ERBIN: variants seen among roughly 807,000 people sequenced by gnomAD.
ERBIN encodes erbb2 interacting protein, also known as densin-180-like protein.
Under a neutral mutation model 158.4 loss-of-function variants are expected in ERBIN, and 60 were observed. That is an observed-to-expected ratio of 0.38 (90% confidence interval 0.31 to 0.47). The LOEUF (loss-of-function observed/expected upper bound fraction) is 0.47. Among genes scored for constraint, ERBIN ranks in the 20% least tolerant of loss-of-function variants. The probability of loss-of-function intolerance (pLI) is 0.99; values close to 1 mark genes in which losing one functional copy is unlikely to be tolerated. For synonymous variants in ERBIN, 594 were observed against 557.2 expected, an observed-to-expected ratio of 1.07 and a Z score of -0.93; for missense variants, 1,610 against 1,648.0, an observed-to-expected ratio of 0.98 and a Z score of 0.40.
rs1751580432 is a variant in ERBIN at position 65,989,044 on chromosome 5, TCTTCGTTGTGATTAGAAGATTC to T, written c.-10+363_-10+384del. On this transcript the variant is annotated intron_variant, in intron 2 of 25. Transcript: ENST00000284037. ...CTCATTTTCTGGGTCGACACTTTCT[TCTTCGTTGTGATTAGAAGATTC>T]TTATGTCTACAGTGTTACTTCTGAT... is the stretch of plus-strand genomic sequence containing the variant. 4.1e-4 allele frequency among the ~76,000 whole-genome samples: 6 copies of T among 14,654 alleles called. No homozygotes were observed. The South Asian group carries it at 0.037, about 92-fold the overall frequency. 9.6% of individuals were successfully genotyped at this position (14,654 alleles called of 152,430 possible).
intron 4 of ERBIN, among the ~76,000 whole-genome samples, chr5:66,008,742 C>G (rs897500455): frequency 6.6e-6 from 1 of 152,106 alleles, no homozygotes. Context: ...AGATATTTAG[C>G]TAAATTTTAA....
intron 1 of ERBIN, among the ~76,000 whole-genome samples, chr5:65,940,503 T>C (rs1194798276): frequency 1.2e-5 from 1 of 80,302 alleles, no homozygotes; most frequent in Admixed American, 1.7e-4. Context: ...AGCCGCCCCG[T>C]CTGGGAGGGA....
chr5:66,018,580 T>TTG lies in ERBIN; in HGVS notation c.534-2742_534-2741insTG, dbSNP rs1755283893. ...ATATAATATATATTATATTATATAA[T>TTG]ATATATTATATAATATATATTATAT... On this transcript the variant is annotated intron_variant, in intron 7 of 25. Coordinates refer to ENST00000284037, the MANE Select transcript of ERBIN (RefSeq NM_001253697.2). Among the ~76,000 whole-genome samples the TTG allele has an allele frequency of 3.7e-5, 2 of 54,074 alleles. 1 individual carries two copies. Among genetic ancestry groups the TTG allele is most frequent in the Non-Finnish European group, 5.9e-5 (2 of 33,974 alleles). 35.5% of individuals were successfully genotyped at this position (54,074 alleles called of 152,430 possible).
At chr5:66,006,911 G>A (rs1753664941) in intron 4 of ERBIN, among the ~76,000 whole-genome samples, 1 of 150,630 alleles carries the variant, frequency 6.6e-6, no homozygotes, top group South Asian at 2.1e-4. Flanking sequence ...AGAGGATGTG[G>A]AGAAATAGGA....
chr5:66,011,726 T>TA (rs35000499), intron 4 of ERBIN, among the ~76,000 whole-genome samples: 6 of 151,758 alleles, frequency 4.0e-5, no homozygotes, highest in African/African-American at 1.2e-4. Context: ...CCTTTTTTTT[T>TA]AAAGTGAGAG....
intron 21 of ERBIN, among the ~76,000 whole-genome samples, chr5:66,065,648 TG>T (rs1760913076): frequency 2.9e-5 from 4 of 139,694 alleles, no homozygotes; most frequent in East Asian, 2.1e-4. Context: ...TGTGTGTGTG[TG>T]TGTGTGTGTG....
chr5:65,942,437 G>A (rs1745168243), intron 1 of ERBIN, among the ~76,000 whole-genome samples: 1 of 152,214 alleles, frequency 6.6e-6, no homozygotes, highest in African/African-American at 2.4e-5. Flanking sequence ...GAAATTCTGA[G>A]TTGATAGACC....
chr5:66,019,377 G>C (rs1755449155), intron 7 of ERBIN, among the ~76,000 whole-genome samples: 1 of 152,144 alleles, frequency 6.6e-6, no homozygotes, highest in Admixed American at 6.5e-5. Context: ...AAGAATACTG[G>C]AGGGCACAGT....
At chr5:65,965,096 A>G (rs1340306628) in intron 1 of ERBIN, among the ~76,000 whole-genome samples, 1 of 151,750 alleles carries the variant, frequency 6.6e-6, no homozygotes, top group Admixed American at 6.6e-5. Flanking sequence ...TGGCCAGAAC[A>G]ATCTTTTAAA....
chr5:65,987,486 C>T (rs1422393163), intron 1 of ERBIN, among the ~76,000 whole-genome samples: 1 of 151,862 alleles, frequency 6.6e-6, no homozygotes, highest in Admixed American at 6.6e-5. Flanking sequence ...CCTTTGAGCC[C>T]AGGAGGTTGA....
At chr5:65,991,441 A>G (rs546234216) in intron 2 of ERBIN, among the ~76,000 whole-genome samples, 1 of 152,320 alleles carries the variant, frequency 6.6e-6, no homozygotes, top group East Asian at 1.9e-4. Flanking sequence ...GTAAGAATGG[A>G]TTGTTTTACA....
At chr5:66,035,994 C>G (rs568528819) in intron 14 of ERBIN, among the ~76,000 whole-genome samples, 1 of 151,924 alleles carries the variant, frequency 6.6e-6, no homozygotes, top group Non-Finnish European at 1.5e-5. Context: ...GAGGCTGAGG[C>G]GGGAGGATTG....
intron 9 of ERBIN, 52 bp downstream of exon 9, chr5:66,023,416 A>G (rs753067662): frequency 1.1e-5 from 13 of 1,185,358 alleles, no homozygotes; most frequent in Non-Finnish European, 1.6e-5. Context: ...TCTCCTTTGC[A>G]GTTTTGTGAA....
chr5:66,051,610 G>A (rs1759026121), intron 20 of ERBIN, among the ~76,000 whole-genome samples: 1 of 152,144 alleles, frequency 6.6e-6, no homozygotes, highest in Admixed American at 6.5e-5. Flanking sequence ...GGATTGGCTG[G>A]GCTGAGCATG....
At chr5:66,017,153 A>G (rs950291996) in intron 7 of ERBIN, among the ~76,000 whole-genome samples, 1 of 152,118 alleles carries the variant, frequency 6.6e-6, no homozygotes, top group African/African-American at 2.4e-5. Context: ...TGCCATAGAC[A>G]TAGGAGTTCA....
At chr5:65,937,960 A>G (rs1744295523) in intron 1 of ERBIN, among the ~76,000 whole-genome samples, 1 of 152,146 alleles carries the variant, frequency 6.6e-6, no homozygotes, top group Admixed American at 6.5e-5. Context: ...GAGGGTCTGC[A>G]TTTGTAGATT....
intron 22 of ERBIN, among the ~76,000 whole-genome samples, chr5:66,073,114 C>CA (rs1761677357): frequency 6.6e-6 from 1 of 152,088 alleles, no homozygotes; most frequent in African/African-American, 2.4e-5. Flanking sequence ...TTTCCTGAGC[C>CA]ATCTGCTAAT....
chr5:66,060,828 A>C (rs1321040526), intron 21 of ERBIN, among the ~76,000 whole-genome samples: 1 of 152,158 alleles, frequency 6.6e-6, no homozygotes, highest in African/African-American at 2.4e-5. Flanking sequence ...CAGGTTGTGC[A>C]GTTTCGATGT....
intron 1 of ERBIN, among the ~76,000 whole-genome samples, chr5:65,934,348 C>T (rs1237786717): frequency 1.3e-5 from 2 of 152,194 alleles, no homozygotes; most frequent in African/African-American, 4.8e-5. Flanking sequence ...TTACAGCAAA[C>T]TATTCCAGTT....
Sources: allele counts gnomAD v4.1 joint callset (sites outside exome capture counted in the v4.1 genomes callset), GRCh38; gene constraint gnomAD v4.1.1; transcripts MANE v1.5; gene names NCBI Gene and HGNC (gene_info 2026-07-23, HGNC 2026-07-21).